AVEN: variants seen among roughly 807,000 people sequenced by gnomAD.
The protein encoded by AVEN is cell death regulator Aven.
Under a neutral mutation model 38.1 loss-of-function variants are expected in AVEN, and 41 were observed. The ratio of observed to expected loss-of-function variants is 1.08; its 90% CI spans 0.84 to 1.40. The LOEUF is 1.40. Ranked by LOEUF, AVEN falls within the 40% of genes most tolerant of loss-of-function variation. AVEN has a pLI of 0.00. For missense variants in AVEN, 605 were observed against 438.8 expected, an observed-to-expected ratio of 1.38 and a Z score of -3.38; for synonymous variants, 206 against 171.8, an observed-to-expected ratio of 1.20 and a Z score of -1.56.
chr15:33,933,520 CACACAGAGAGAGAGAGAGAGAG>C (rs1316349322), intron 2 of AVEN, among the ~76,000 whole-genome samples: 1,271 of 82,070 alleles, frequency 0.015, 11 homozygotes, highest in African/African-American at 0.028. Context: ...CACACACACA[CACACAGAGAGAGAGAGAGAGAG>C]AGAGAGAGAG....
At chr15:33,857,351 C>G (rs543055480), downstream of AVEN, among the ~76,000 whole-genome samples, 54 of 152,070 alleles carry the variant, frequency 3.6e-4, 1 homozygote, top group African/African-American at 1.3e-3. Context: ...CTGTGTCTAG[C>G]CTCTCTCTCT....
chr15:34,016,290 A>G (rs1897908878), intron 1 of AVEN, among the ~76,000 whole-genome samples: 1 of 152,234 alleles, frequency 6.6e-6, no homozygotes. Flanking sequence ...TAGGTTCTGC[A>G]TTAGAATGAA....
At chr15:33,911,808 A>G (rs966941500) in intron 2 of AVEN, among the ~76,000 whole-genome samples, 1 of 152,256 alleles carries the variant, frequency 6.6e-6, no homozygotes, top group Non-Finnish European at 1.5e-5. Context: ...AGTAGCAATT[A>G]CAGGCTAGCA....
chr15:33,927,355 T>C (rs1893656529), intron 2 of AVEN, among the ~76,000 whole-genome samples: 1 of 152,142 alleles, frequency 6.6e-6, no homozygotes, highest in Non-Finnish European at 1.5e-5. Flanking sequence ...GGAAAGTGTC[T>C]GCATTGAATC....
At chr15:33,891,362 C>A (rs902391319) in intron 2 of AVEN, among the ~76,000 whole-genome samples, 1 of 152,122 alleles carries the variant, frequency 6.6e-6, no homozygotes, top group African/African-American at 2.4e-5. Flanking sequence ...AGGTATTTCT[C>A]CTAATGCTAT....
rs192479945 is a variant in AVEN, at chr15:33,867,295, G to C, written c.973+200C>G. On this transcript the variant is annotated intron_variant, in intron 5 of 5. Transcript: ENST00000306730. ...AGGCAGGTAGCAGCTTTGGAAGCTT[G>C]GTGTGTCGCGTGAGAGGAAGGTTGT... is the stretch of plus-strand genomic sequence containing the variant. Among the ~76,000 whole-genome samples, 10 of 152,298 alleles carry C rather than the reference G, an allele frequency of 6.6e-5. 1 individual carries two copies. The highest frequency in any genetic ancestry group is 6.5e-4 in the Admixed American group (10 of 15,304).
At chr15:33,977,812 C>T (rs777668245) in intron 2 of AVEN, among the ~76,000 whole-genome samples, 3 of 152,022 alleles carry the variant, frequency 2.0e-5, no homozygotes, top group African/African-American at 4.8e-5. Context: ...GTAGTTCACC[C>T]GTGTAATTCT....
chr15:33,871,427 G>A (rs1890945168), intron 3 of AVEN, among the ~76,000 whole-genome samples: 1 of 152,088 alleles, frequency 6.6e-6, no homozygotes, highest in Non-Finnish European at 1.5e-5. Context: ...AATTAACTGG[G>A]TATGGTGGCT....
intron 11 of AVEN, chr15:33,859,231 C>T (rs116952047): frequency 0.032 from 6,922 of 219,652 alleles, 202 homozygotes; most frequent in Non-Finnish European, 0.037. Flanking sequence ...AGCCTGAAGG[C>T]CAGGCTAACA....
intron 4 of AVEN, among the ~76,000 whole-genome samples, chr15:33,870,293 A>C (rs959247418): frequency 5.9e-5 from 9 of 152,156 alleles, no homozygotes; most frequent in African/African-American, 1.7e-4. Flanking sequence ...GTATGTGCAC[A>C]TGCAGACTTA....
Position 33,867,586 on chromosome 15 carries a change from T to A in AVEN, c.882A>T (p.Ala294=), listed in dbSNP as rs528796842. 6.2e-7 allele frequency: 1 copy of A among 1,614,188 alleles called. No individual in the cohort carries two copies. Among genetic ancestry groups the A allele is most frequent in the East Asian group, 2.2e-5 (1 of 44,876 alleles). The change falls in exon 5 of 6, where the codon GCA becomes GCT. Residue 294 remains alanine, a synonymous_variant. Transcript: ENST00000306730. ...EELDLLLNLD[A]PIKEGDNILP... The stretch of plus-strand genomic sequence containing the variant: ...AGATGTTATCTCCCTCTTTTATAGG[T>A]GCATCTAAATTAAGCAACAGATCTA...
downstream of AVEN, among the ~76,000 whole-genome samples, chr15:33,855,440 G>A (rs2079551938): frequency 1.3e-5 from 2 of 152,212 alleles, no homozygotes; most frequent in Non-Finnish European, 2.9e-5. Flanking sequence ...CTGATCTCAG[G>A]TGATCCACCC....
At chr15:33,971,051 T>A (rs1321207119) in intron 2 of AVEN, among the ~76,000 whole-genome samples, 1 of 152,030 alleles carries the variant, frequency 6.6e-6, no homozygotes, top group East Asian at 1.9e-4. Context: ...TTTGGAATAA[T>A]CTGTATTTTC....
intron 2 of AVEN, among the ~76,000 whole-genome samples, chr15:33,919,258 T>C (rs1031031638): frequency 6.6e-6 from 1 of 152,192 alleles, no homozygotes; most frequent in Non-Finnish European, 1.5e-5. Context: ...TAAATATTCT[T>C]AGCAGAAGAA....
At chr15:33,861,146 T>C (rs1323874371) in intron 11 of AVEN, 1 of 1,596,306 alleles carries the variant, frequency 6.3e-7, no homozygotes. Context: ...TTGAAACACA[T>C]ACATTACAAG....
At chr15:33,999,760 G>C (rs1030868793) in intron 2 of AVEN, among the ~76,000 whole-genome samples, 6 of 152,120 alleles carry the variant, frequency 3.9e-5, no homozygotes, top group Non-Finnish European at 5.9e-5. Flanking sequence ...CCTGCTACTA[G>C]TAGTAGCAGT....
intron 4 of AVEN, 98 bp downstream of exon 4, chr15:33,870,837 G>T: frequency 1.3e-6 from 1 of 788,090 alleles, no homozygotes; most frequent in South Asian, 2.9e-5. Flanking sequence ...TTTTATAAAG[G>T]GAAGCTGACA....
At chr15:33,870,852 G>A (rs894803772) in intron 4 of AVEN, 83 bp downstream of exon 4, 10 of 941,156 alleles carry the variant, frequency 1.1e-5, no homozygotes, top group Non-Finnish European at 1.6e-5. Context: ...CTGACACTGA[G>A]ACATCCTGCT....
intron 2 of AVEN, among the ~76,000 whole-genome samples, chr15:33,986,974 C>T (rs1187139805): frequency 6.6e-6 from 1 of 152,144 alleles, no homozygotes. Context: ...TTTTCAAGTG[C>T]TAAATAAACA....
Sources: gnomAD v4.1 joint callset for allele counts (sites outside exome capture counted in the v4.1 genomes callset) on GRCh38, gnomAD v4.1.1 for gene constraint, MANE v1.5 for transcripts, NCBI Gene and HGNC (gene_info 2026-07-23, HGNC 2026-07-21) for gene names.